ELFN2: variants seen among roughly 807,000 people sequenced by gnomAD.
ELFN2 encodes protein phosphatase 1 regulatory subunit 29.
ELFN2 carries 17 observed loss-of-function variants against 45.5 expected under a neutral mutation model. The observed-to-expected ratio is 0.37, with a 90% confidence interval of 0.26 to 0.56. ELFN2 has a LOEUF of 0.56. ELFN2 is among the 20% of genes least tolerant of loss of function. ELFN2 has a pLI of 0.77. For missense variants in ELFN2, 922 were observed against 1,183.2 expected (o/e 0.78, Z 3.24); for synonymous variants, 550 against 551.5 (o/e 1.00, Z 0.04).
At chr22:37,376,775 C>G (rs951772928) in intron 2 of ELFN2, among the ~76,000 whole-genome samples, 1 of 152,166 alleles carries the variant, frequency 6.6e-6, no homozygotes, top group Non-Finnish European at 1.5e-5. Flanking sequence ...CAGAGGTACC[C>G]CAGTATCATC....
At chr22:37,413,044 T>A (rs1425905952) in intron 2 of ELFN2, among the ~76,000 whole-genome samples, 3 of 152,154 alleles carry the variant, frequency 2.0e-5, no homozygotes, top group Non-Finnish European at 4.4e-5. Context: ...GTTTGGTCGT[T>A]TGCAACCGGG....
In ELFN2 at chr22:37,371,033, T is replaced by TC. The variant is rs980738686; in HGVS notation, c.*2038dup. The TC allele has an allele frequency of 2.6e-5, 4 of 152,186 alleles. No individual in the cohort carries two copies. Among genetic ancestry groups the TC allele is most frequent in the Non-Finnish European group, 5.9e-5 (4 of 67,996 alleles). The allele number at this position is 152,186 out of a possible 1,614,324, so 9.4% of individuals were successfully genotyped here. Reference sequence around the variant, plus strand: ...TGCTCCGCGTATCCATGCCGCCCCCTCCCCTCCTCGCCCCAGGAGAACAGT... The same window carrying TC: ...TGCTCCGCGTATCCATGCCGCCCCCTCCCCCTCCTCGCCCCAGGAGAACAGT... On this transcript the variant is annotated 3_prime_UTR_variant, in exon 3 of 3. Coordinates refer to ENST00000402918, the MANE Select transcript of ELFN2 (RefSeq NM_052906.5). The surrounding 1 kb of genome is among the most constrained non-coding windows in gnomAD (Gnocchi z 6.4).
rs1931322017 is a variant in ELFN2 at position 37,370,043 on chromosome 22, A to C, written c.*3029T>G. On this transcript the variant is annotated 3_prime_UTR_variant, in exon 3 of 3. Coordinates refer to ENST00000402918, the MANE Select transcript of ELFN2 (RefSeq NM_052906.5). Reference sequence around the variant, plus strand: ...CCAGCCTCCGGGTGGGCTCTCCCCAAGCTGAGCAGTTGGGGCTCTGGCCTG... The same window carrying C: ...CCAGCCTCCGGGTGGGCTCTCCCCACGCTGAGCAGTTGGGGCTCTGGCCTG... 6.6e-6 allele frequency: 1 copy of C among 152,144 alleles called. No homozygotes were observed. Among genetic ancestry groups the C allele is most frequent in the African/African-American group, 2.4e-5 (1 of 41,436 alleles). 9.4% of individuals were successfully genotyped at this position (152,144 alleles called of 1,614,324 possible).
intron 2 of ELFN2, among the ~76,000 whole-genome samples, chr22:37,386,220 T>C (rs1324944696): frequency 6.6e-6 from 1 of 152,166 alleles, no homozygotes; most frequent in Non-Finnish European, 1.5e-5. Context: ...ATGGCCACTG[T>C]GGACACCAGG....
At chr22:37,389,947 G>C (rs140114677) in intron 2 of ELFN2, among the ~76,000 whole-genome samples, 2 of 152,316 alleles carry the variant, frequency 1.3e-5, no homozygotes, top group African/African-American at 4.8e-5. Flanking sequence ...CCAAGACCAG[G>C]GGGGTGGGAA....
At chr22:37,420,287 C>T (rs1357631711) in intron 1 of ELFN2, 2 of 152,462 alleles carry the variant, frequency 1.3e-5, no homozygotes, top group Non-Finnish European at 2.9e-5. Flanking sequence ...CGCGCACCCG[C>T]CCCGTGCGCC....
chr22:37,380,409 C>T (rs908310402), intron 2 of ELFN2, among the ~76,000 whole-genome samples: 13 of 152,312 alleles, frequency 8.5e-5, no homozygotes, highest in African/African-American at 3.1e-4. Flanking sequence ...ATGACAGAGA[C>T]ACACACGCTC....
intron 1 of ELFN2, chr22:37,353,609 G>A (rs1053795222): frequency 2.0e-5 from 3 of 151,028 alleles, no homozygotes; most frequent in Non-Finnish European, 4.5e-5. Flanking sequence ...CCAATGGCCC[G>A]AATAGGCATT....
intron 1 of ELFN2, among the ~76,000 whole-genome samples, chr22:37,348,331 G>T (rs974863950): frequency 6.6e-6 from 1 of 152,218 alleles, no homozygotes; most frequent in African/African-American, 2.4e-5. Flanking sequence ...CCTTCTCACA[G>T]AAGTCTTAGC....
intron 2 of ELFN2, among the ~76,000 whole-genome samples, chr22:37,409,321 G>T (rs951744122): frequency 6.6e-6 from 1 of 152,190 alleles, no homozygotes; most frequent in African/African-American, 2.4e-5. Flanking sequence ...GCCCCAAGGA[G>T]CCCAGTGCCC....
intron 2 of ELFN2, among the ~76,000 whole-genome samples, chr22:37,396,102 G>A (rs1932207147): frequency 6.6e-6 from 1 of 152,206 alleles, no homozygotes. Context: ...TAGGATTTCA[G>A]GCACACCGTG....
intron 1 of ELFN2, chr22:37,427,070 GCCA>G (rs1035062478): frequency 2.0e-5 from 3 of 149,418 alleles, no homozygotes; most frequent in South Asian, 4.3e-4. Context: ...TCCGCCCACC[GCCA>G]CCACCACCAC....
At chr22:37,359,111 G>A (rs568765276) in intron 1 of ELFN2, among the ~76,000 whole-genome samples, 4 of 152,186 alleles carry the variant, frequency 2.6e-5, no homozygotes, top group African/African-American at 7.2e-5. Context: ...TAGCACCTCC[G>A]TGACTGTCTC....
chr22:37,386,290 G>C (rs1931944151), intron 2 of ELFN2, among the ~76,000 whole-genome samples: 1 of 152,124 alleles, frequency 6.6e-6, no homozygotes, highest in Non-Finnish European at 1.5e-5. Context: ...TTTCTGGAAT[G>C]GCTCCTTGGT....
At chr22:37,360,261 T>C (rs1441533899) in intron 1 of ELFN2, among the ~76,000 whole-genome samples, 4 of 152,148 alleles carry the variant, frequency 2.6e-5, no homozygotes, top group Non-Finnish European at 4.4e-5. Context: ...CAGCCAGGCC[T>C]GGGATGGGGA....
chr22:37,341,993 G>A lies in ELFN2; in HGVS notation n.251+608C>T, dbSNP rs59288902. Among the ~76,000 whole-genome samples the A allele has an allele frequency of 1.8e-3, 271 of 151,568 alleles. 2 individuals carry two copies. The highest frequency in any genetic ancestry group is 6.2e-3 in the African/African-American group (256 of 41,200). On this transcript the variant is annotated intron_variant and non_coding_transcript_variant, in intron 2 of 2. Transcript: ENST00000452946. ...ACCCACTCATCACTTGCACTGCCCTGTAGGAGCCCTGACCCTGACATTAGA... is the reference window on the plus strand; with the variant it reads ...ACCCACTCATCACTTGCACTGCCCTATAGGAGCCCTGACCCTGACATTAGA...
At chr22:37,385,743 C>T (rs1163946118) in intron 2 of ELFN2, among the ~76,000 whole-genome samples, 1 of 152,166 alleles carries the variant, frequency 6.6e-6, no homozygotes, top group African/African-American at 2.4e-5. Context: ...GCCTCCTGTA[C>T]TTGACCCCTG....
At chr22:37,348,159 C>T (rs1038736865) in intron 1 of ELFN2, among the ~76,000 whole-genome samples, 1 of 152,180 alleles carries the variant, frequency 6.6e-6, no homozygotes, top group African/African-American at 2.4e-5. Flanking sequence ...GTGTGGGCCA[C>T]GTTGAGGCTG....
intron 2 of ELFN2, among the ~76,000 whole-genome samples, chr22:37,409,302 C>G (rs1932587947): frequency 6.6e-6 from 1 of 152,210 alleles, no homozygotes. Context: ...CCCGAAGCAG[C>G]TCCCTGTGGC....
Sources: gnomAD v4.1 joint callset for allele counts (sites outside exome capture counted in the v4.1 genomes callset) on GRCh38, gnomAD v4.1.1 for gene constraint, Gnocchi (gnomAD v3.1) non-coding constraint, MANE v1.5 for transcripts, NCBI Gene and HGNC (gene_info 2026-07-23, HGNC 2026-07-21) for gene names.